The following USP22 variants were observed in gnomAD, a reference collection of about 807,000 sequenced individuals.
The protein encoded by USP22 is ubiquitin specific peptidase 22.
A neutral mutation model predicts 68.1 loss-of-function variants in USP22; 22 were observed. The ratio of observed to expected loss-of-function variants is 0.32; its 90% CI spans 0.23 to 0.46. The LOEUF is 0.46. Ranked by LOEUF, USP22 falls within the 20% of genes least tolerant of loss-of-function variation. The probability of loss-of-function intolerance (pLI) is 1.00; values close to 1 mark genes in which losing one functional copy is unlikely to be tolerated. For synonymous variants in USP22, 279 were observed against 274.2 expected, an observed-to-expected ratio of 1.02 and a Z score of -0.17; for missense variants, 433 against 695.8, an observed-to-expected ratio of 0.62 and a Z score of 4.25.
chr17:21,028,734 A>G (rs899636815), intron 1 of USP22, 60 bp from the exon 2 acceptor site: 2 of 1,578,326 alleles, frequency 1.3e-6, no homozygotes, highest in African/African-American at 2.7e-5. Flanking sequence ...TGCTCAGAGG[A>G]AACAGTCAAG....
chr17:21,007,036 TGTCACTGGAA>T (rs1220779267), intron 9 of USP22, 49 bp from the exon 10 acceptor site: 1 of 1,510,708 alleles, frequency 6.6e-7, no homozygotes, highest in African/African-American at 1.4e-5. Context: ...AGATCAGAAA[TGTCACTGGAA>T]GCTTCAGGGC....
intron 2 of USP22, among the ~76,000 whole-genome samples, chr17:21,022,922 A>T (rs771049693): frequency 4.6e-5 from 7 of 152,216 alleles, no homozygotes; most frequent in Non-Finnish European, 8.8e-5. Flanking sequence ...AAGACATGAG[A>T]TCAACCTAAA....
intron 7 of USP22, 197 bp from the exon 8 acceptor site, chr17:21,011,506 G>T: frequency 1.5e-6 from 1 of 648,654 alleles, no homozygotes; most frequent in Non-Finnish European, 2.6e-6. Context: ...GCCCTGGGGA[G>T]GGGTGTGTGT....
At chr17:21,036,273 G>A (rs1282516406) in intron 1 of USP22, among the ~76,000 whole-genome samples, 1 of 152,070 alleles carries the variant, frequency 6.6e-6, no homozygotes, top group African/African-American at 2.4e-5. Flanking sequence ...TACTGTAGTT[G>A]TGGATGCCTC....
At chr17:21,030,421 T>A (rs1414078398) in intron 1 of USP22, among the ~76,000 whole-genome samples, 1 of 152,164 alleles carries the variant, frequency 6.6e-6, no homozygotes, top group Non-Finnish European at 1.5e-5. Context: ...CATGCACACG[T>A]GTACTTGTGT....
Position 21,004,228 on chromosome 17 carries a change from G to C in USP22, c.1509C>G (p.Ser503Arg). The change falls in exon 12 of 13, where the codon AGC becomes AGG. Residue 503 changes from serine to arginine, a missense_variant. This residue lies in a region of USP22 where 178 missense variants were observed against 351.5 expected (regional missense o/e 0.51). Coordinates refer to ENST00000261497, the MANE Select transcript of USP22 (RefSeq NM_015276.2). ...KCDDAIITKA[S>R]IKDVLDSEGY... ...CTTCGCTGTCCAGGACGTCCTTGAT[G>C]CTGGCCTTGGTGATGATGGCATCGT... 2 of 1,614,182 alleles carry C rather than the reference G, an allele frequency of 1.2e-6. No homozygotes were observed. The highest frequency in any genetic ancestry group is 3.3e-5 in the Admixed American group (2 of 60,024).
intron 1 of USP22, among the ~76,000 whole-genome samples, chr17:21,039,172 C>T (rs1019212369): frequency 1.3e-5 from 2 of 151,626 alleles, no homozygotes; most frequent in South Asian, 2.1e-4. Context: ...AGGATGGTCT[C>T]GATCTCCTGA....
intron 2 of USP22, among the ~76,000 whole-genome samples, chr17:21,026,854 T>A (rs1450754227): frequency 6.7e-6 from 1 of 149,706 alleles, no homozygotes; most frequent in African/African-American, 2.5e-5. Context: ...CAGGCTGGAG[T>A]GCAGTGGTGC....
At chr17:21,009,972 T>A (rs369075869) in intron 8 of USP22, among the ~76,000 whole-genome samples, 1,462 of 142,510 alleles carry the variant, frequency 0.01, 22 homozygotes, top group African/African-American at 0.036. Context: ...AAAAAAAAAT[T>A]AAAAAAAAAA....
At chr17:21,029,743 A>C (rs1235263739) in intron 1 of USP22, among the ~76,000 whole-genome samples, 1 of 152,256 alleles carries the variant, frequency 6.6e-6, no homozygotes, top group Non-Finnish European at 1.5e-5. Context: ...GCTACAGTGC[A>C]GACTAGCCTT....
chr17:21,036,676 G>A (rs1233257037), intron 1 of USP22, among the ~76,000 whole-genome samples: 3 of 152,158 alleles, frequency 2.0e-5, no homozygotes, highest in Non-Finnish European at 4.4e-5. Context: ...TAAACTGGAG[G>A]GGAAGGCTAG....
intron 4 of USP22, 60 bp from the exon 5 acceptor site, chr17:21,018,171 G>A (rs1037302405): frequency 4.7e-6 from 7 of 1,478,430 alleles, no homozygotes; most frequent in African/African-American, 1.4e-5. Flanking sequence ...GGTGTCGCTG[G>A]ATCCCAGCGG....
In USP22 at chr17:21,004,957, C is replaced by G; in HGVS notation, c.1356G>C (p.Gln452His). 1 of 1,614,244 alleles carries G rather than the reference C, an allele frequency of 6.2e-7. No individual in the cohort carries two copies. Among genetic ancestry groups the G allele is most frequent in the Non-Finnish European group, 8.5e-7 (1 of 1,180,046 alleles). The change falls in exon 11 of 13, where the codon CAG (glutamine) becomes CAC (histidine). Residue 452 changes from glutamine to histidine, a missense_variant. This residue lies in a region of USP22 where 178 missense variants were observed against 351.5 expected (regional missense o/e 0.51). Transcript: ENST00000261497. The part of the protein sequence containing the change: ...KESRMNGQYQ[Q>H]PTDSLNNDNK... ...TGTCATTGTTGAGACTGTCCGTGGG[C>G]TGCTGGTACTGTCCATTCATCCTGC...
intron 1 of USP22, among the ~76,000 whole-genome samples, chr17:21,030,209 G>A (rs773391143): frequency 2.6e-5 from 4 of 152,114 alleles, no homozygotes; most frequent in Non-Finnish European, 5.9e-5. Flanking sequence ...CTAATACAAA[G>A]TAGATGCTAT....
chr17:21,012,984 A>G, intron 6 of USP22, 49 bp from the exon 7 acceptor site: 1 of 1,579,372 alleles, frequency 6.3e-7, no homozygotes, highest in South Asian at 1.1e-5. Flanking sequence ...AAATATGGGG[A>G]GTCTCTAAGG....
In USP22 at chr17:21,000,032, C is replaced by G. The variant is rs1358233962; in HGVS notation, c.*2999G>C. ...CACATCACCTGCCTCAAAGCACTCC[C>G]TTCAGGCATCTGAAGAGGGAAAGGC... On this transcript the variant is annotated 3_prime_UTR_variant, in exon 13 of 13. Coordinates refer to ENST00000261497, the MANE Select transcript of USP22 (RefSeq NM_015276.2). 6.6e-6 allele frequency: 1 copy of G among 152,244 alleles called. No individual in the cohort carries two copies. Among genetic ancestry groups the G allele is most frequent in the African/African-American group, 2.4e-5 (1 of 41,442 alleles). The allele number at this position is 152,244 out of a possible 1,614,324, so 9.4% of individuals were successfully genotyped here.
intron 7 of USP22, among the ~76,000 whole-genome samples, chr17:21,011,820 T>C (rs981295872): frequency 2.0e-5 from 3 of 152,274 alleles, no homozygotes; most frequent in Middle Eastern, 6.8e-3. Context: ...AAATGAAAAC[T>C]TGCAGACTGG....
chr17:21,028,823 G>A, intron 1 of USP22, 149 bp from the exon 2 acceptor site: 1 of 1,038,570 alleles, frequency 9.6e-7, no homozygotes, highest in Non-Finnish European at 1.3e-6. Flanking sequence ...TAGAGGATCA[G>A]TTTAATCCTT....
intron 2 of USP22, among the ~76,000 whole-genome samples, chr17:21,027,370 C>T (rs888303305): frequency 2.7e-5 from 4 of 150,438 alleles, no homozygotes; most frequent in South Asian, 2.1e-4. Flanking sequence ...TCCTTTACTA[C>T]GAGTACTCCT....
Sources: allele counts gnomAD v4.1 joint callset (sites outside exome capture counted in the v4.1 genomes callset), GRCh38; gene constraint gnomAD v4.1.1; regional missense constraint gnomAD v4.1.1; transcripts MANE v1.5; gene names NCBI Gene and HGNC (gene_info 2026-07-23, HGNC 2026-07-21).